F13B: variants seen among roughly 807,000 people sequenced by gnomAD.
The protein encoded by F13B is TGase.
Under a neutral mutation model 79.8 loss-of-function variants are expected in F13B, and 58 were observed. That is an observed-to-expected ratio of 0.73 (90% CI 0.59 to 0.90). The LOEUF is 0.90. Among genes scored for constraint, F13B ranks in the 40% least tolerant of loss-of-function variants. The pLI, the probability that F13B is intolerant of heterozygous loss-of-function variation, is 0.00. For missense variants in F13B, 773 were observed against 777.0 expected, an observed-to-expected ratio of 0.99 and a Z score of 0.06; for synonymous variants, 283 against 260.3, an observed-to-expected ratio of 1.09 and a Z score of -0.84.
chr1:197,049,566 G>A lies in F13B; in HGVS notation c.1738+1131C>T, dbSNP rs572177148. 2.5e-4 allele frequency among the ~76,000 whole-genome samples: 38 copies of A among 152,048 alleles called. 1 individual carries two copies. The highest frequency in any genetic ancestry group is 8.4e-4 in the African/African-American group (35 of 41,500). On this transcript the variant is annotated intron_variant, in intron 10 of 11. Transcript: ENST00000367412. ...ATTACCATTATTTGTTAAACAAATC[G>A]AAGCTGTCAATTTGTCTTTTCACGG... is the stretch of plus-strand genomic sequence containing the variant.
chr1:197,046,276 A>G (rs1426062983), intron 10 of F13B, among the ~76,000 whole-genome samples: 3 of 152,202 alleles, frequency 2.0e-5, no homozygotes, highest in African/African-American at 7.2e-5. Flanking sequence ...CCATCGTCTC[A>G]GCCCAAAATC....
At chr1:197,047,670 T>G (rs932357517) in intron 10 of F13B, among the ~76,000 whole-genome samples, 2 of 152,240 alleles carry the variant, frequency 1.3e-5, no homozygotes, top group Non-Finnish European at 2.9e-5. Flanking sequence ...TAAGTCATTC[T>G]GCTATAAAGA....
chr1:197,044,206 C>A (rs1655143145), intron 10 of F13B, among the ~76,000 whole-genome samples: 1 of 152,148 alleles, frequency 6.6e-6, no homozygotes. Flanking sequence ...TAGCCACCGA[C>A]AGACCAGGAG....
intron 3 of F13B, 63 bp downstream of exon 3, chr1:197,061,721 T>A: frequency 7.6e-7 from 1 of 1,316,192 alleles, no homozygotes; most frequent in Non-Finnish European, 1.1e-6. Context: ...AATATAAGCT[T>A]CAATATATTC....
chr1:197,060,275 T>A, intron 5 of F13B, 91 bp downstream of exon 5: 1 of 907,578 alleles, frequency 1.1e-6, no homozygotes, highest in South Asian at 1.7e-5. Context: ...GGAAAAAAAA[T>A]AGATATGACC....
At chr1:197,053,956 G>A (rs539307888) in intron 8 of F13B, among the ~76,000 whole-genome samples, 1 of 152,046 alleles carries the variant, frequency 6.6e-6, no homozygotes, top group South Asian at 2.1e-4. Context: ...ATTAGAGCAG[G>A]GAAGAGAGTA....
chr1:197,058,913 A>AG (rs1230989303), intron 5 of F13B, among the ~76,000 whole-genome samples: 2 of 152,118 alleles, frequency 1.3e-5, no homozygotes, highest in African/African-American at 4.8e-5. Context: ...AATTTGGAAG[A>AG]GGAGAAGGGT....
At chr1:197,065,901 C>A (rs1427932096) in intron 1 of F13B, among the ~76,000 whole-genome samples, 2 of 151,994 alleles carry the variant, frequency 1.3e-5, no homozygotes, top group Non-Finnish European at 2.9e-5. Context: ...AAATGAGAAA[C>A]ACAATTAATT....
chr1:197,040,618 T>A lies in F13B; in HGVS notation c.1856A>T (p.Asp619Val). The part of the protein sequence containing the change: ...GEYIEFICRG[D>V]TYPAELYITG... ...AATATATAATTCAGCTGGATAAGTA[T>A]CTCCTCTACAAATAAACTCAATATA... The change falls in exon 11 of 12, where the codon GAT (aspartate) becomes GTT (valine). Residue 619 changes from aspartate (D) to valine (V), a missense_variant. Transcript: ENST00000367412. 6.2e-7 allele frequency: 1 copy of A among 1,612,808 alleles called. No individual in the cohort carries two copies. The highest frequency in any genetic ancestry group is 8.5e-7 in the Non-Finnish European group (1 of 1,179,040).
At chr1:197,063,609 C>G (rs796365875) in intron 1 of F13B, among the ~76,000 whole-genome samples, 4 of 152,284 alleles carry the variant, frequency 2.6e-5, no homozygotes, top group African/African-American at 9.6e-5. Flanking sequence ...ACTTGAACCA[C>G]TCCACCCTGC....
At chr1:197,058,385 T>G (rs777865199) in intron 5 of F13B, among the ~76,000 whole-genome samples, 2 of 152,156 alleles carry the variant, frequency 1.3e-5, no homozygotes, top group Non-Finnish European at 2.9e-5. Context: ...CAGCACAGAT[T>G]TATCCTCCTA....
chr1:197,066,434 T>G (rs1011404194), intron 1 of F13B, among the ~76,000 whole-genome samples: 4 of 152,176 alleles, frequency 2.6e-5, no homozygotes, highest in African/African-American at 9.6e-5. Context: ...ATAATGTTCC[T>G]GAACAACATA....
chr1:197,050,579 TA>T, intron 10 of F13B, 117 bp downstream of exon 10: 1 of 887,606 alleles, frequency 1.1e-6, no homozygotes, highest in Non-Finnish European at 1.8e-6. Context: ...AGCACATGAA[TA>T]AAATAACACA....
chr1:197,044,439 A>G (rs965110220), intron 10 of F13B, among the ~76,000 whole-genome samples: 3 of 152,206 alleles, frequency 2.0e-5, no homozygotes, highest in African/African-American at 4.8e-5. Context: ...AAAGGGATCA[A>G]TTCAACAAGA....
intron 1 of F13B, among the ~76,000 whole-genome samples, chr1:197,064,577 G>C (rs1026961282): frequency 6.6e-6 from 1 of 152,170 alleles, no homozygotes; most frequent in East Asian, 1.9e-4. Context: ...GATAATAGAA[G>C]TCAGAATGGT....
At chr1:197,051,514 T>C (rs1040394645) in intron 9 of F13B, among the ~76,000 whole-genome samples, 2 of 152,102 alleles carry the variant, frequency 1.3e-5, no homozygotes, top group Non-Finnish European at 2.9e-5. Flanking sequence ...AGTAGAGCAA[T>C]GCTTTACAGT....
intron 10 of F13B, among the ~76,000 whole-genome samples, chr1:197,042,918 G>A (rs971946258): frequency 2.0e-5 from 3 of 151,228 alleles, no homozygotes; most frequent in Admixed American, 6.6e-5. Context: ...GGTAAGCTTA[G>A]GCATACAGCC....
In F13B at chr1:197,052,661, C is replaced by T; in HGVS notation, c.1528G>A (p.Val510Met). ...ELSVQCNRGE[V>M]KYPLCTRKES... is the part of the protein sequence containing the mutation. ...TTTCTAGTACATAAAGGATATTTCA[C>T]TTCTCCTCTGTTGCACTGCACAGAT... The change falls in exon 9 of 12, where the codon GTG (valine) becomes ATG (methionine). Residue 510 changes from valine (V) to methionine (M), a missense_variant. Val to Met is a conservative substitution (Grantham distance 21, BLOSUM62 1). Coordinates refer to ENST00000367412, the MANE Select transcript of F13B (RefSeq NM_001994.3). The T allele has an allele frequency of 1.9e-6, 3 of 1,611,302 alleles. No homozygotes were observed. Among genetic ancestry groups the T allele is most frequent in the Admixed American group, 1.7e-5 (1 of 59,822 alleles).
chr1:197,041,384 C>CA (rs544871610), intron 10 of F13B, among the ~76,000 whole-genome samples: 12 of 152,072 alleles, frequency 7.9e-5, no homozygotes, highest in Non-Finnish European at 1.6e-4. Flanking sequence ...TTAAAATACA[C>CA]AAAAAAACCT....
Sources: allele counts gnomAD v4.1 joint callset (sites outside exome capture counted in the v4.1 genomes callset), GRCh38; gene constraint gnomAD v4.1.1; transcripts MANE v1.5; gene names NCBI Gene and HGNC (gene_info 2026-07-23, HGNC 2026-07-21).